STAT5B: variants seen among roughly 807,000 people sequenced by gnomAD.
STAT5B encodes the protein signal transducer and activator of transcription 5B.
Under a neutral mutation model 107.8 loss-of-function variants are expected in STAT5B, and 21 were observed. The ratio of observed to expected loss-of-function variants is 0.19; its 90% CI spans 0.14 to 0.28. The LOEUF is 0.28. Among genes scored for constraint, STAT5B ranks in the 10% least tolerant of loss-of-function variants. The pLI, the probability that STAT5B is intolerant of heterozygous loss-of-function variation, is 1.00. For synonymous variants in STAT5B, 325 were observed against 401.7 expected (o/e 0.81, Z 2.28); for missense variants, 565 against 1,008.2 (o/e 0.56, Z 5.95).
chr17:42,231,246 T>A (rs1000400701), intron 2 of STAT5B, among the ~76,000 whole-genome samples: 2 of 152,186 alleles, frequency 1.3e-5, no homozygotes, highest in Non-Finnish European at 2.9e-5. Flanking sequence ...GGTCAAGCAA[T>A]CCTCCCACCT....
intron 1 of STAT5B, among the ~76,000 whole-genome samples, chr17:42,246,377 AAAGT>A (rs1464155107): frequency 1.3e-5 from 2 of 152,184 alleles, no homozygotes; most frequent in African/African-American, 4.8e-5. Flanking sequence ...TCAGAATTAT[AAAGT>A]AAAAATTCAG....
chr17:42,234,946 G>A (rs2080345650), intron 1 of STAT5B: 1 of 152,170 alleles, frequency 6.6e-6, no homozygotes, highest in South Asian at 2.1e-4. Flanking sequence ...ATGAAGAGAA[G>A]AATCTAGGTG....
chr17:42,201,513 C>A lies in STAT5B; in HGVS notation c.*225G>T. The A allele has an allele frequency of 1.6e-6, 1 of 631,828 alleles. No individual in the cohort carries two copies. The highest frequency in any genetic ancestry group is 2.9e-6 in the Non-Finnish European group (1 of 347,448). The allele number at this position is 631,828 out of a possible 1,614,324, so 39.1% of individuals were successfully genotyped here. ...ACAGTGAGAGGGAGAAACACCATAACGTGCAAACACGCACACACACACACA... is the reference window on the plus strand; with the variant it reads ...ACAGTGAGAGGGAGAAACACCATAAAGTGCAAACACGCACACACACACACA... On this transcript the variant is annotated 3_prime_UTR_variant, in exon 19 of 19. Transcript: ENST00000293328.
chr17:42,263,077 G>A (rs770498095), intron 1 of STAT5B, among the ~76,000 whole-genome samples: 2 of 136,816 alleles, frequency 1.5e-5, no homozygotes, highest in Non-Finnish European at 3.1e-5. Flanking sequence ...TCCATTGCCC[G>A]GGCTTGGGAG....
At chr17:42,251,305 GACC>G (rs1316052566) in intron 1 of STAT5B, among the ~76,000 whole-genome samples, 1 of 152,190 alleles carries the variant, frequency 6.6e-6, no homozygotes, top group East Asian at 1.9e-4. Context: ...CCTAGATCCT[GACC>G]ACTTGTGGTC....
chr17:42,238,475 G>C (rs1315553271), intron 1 of STAT5B, among the ~76,000 whole-genome samples: 12 of 131,238 alleles, frequency 9.1e-5, no homozygotes, highest in Non-Finnish European at 1.4e-4. Flanking sequence ...TTTTTTTTAA[G>C]GCAGAGTCTC....
chr17:42,239,823 T>C (rs2080387704), intron 1 of STAT5B, among the ~76,000 whole-genome samples: 2 of 152,164 alleles, frequency 1.3e-5, no homozygotes, highest in South Asian at 2.1e-4. Flanking sequence ...AAAACATGTG[T>C]CCCCAGAAAG....
chr17:42,280,770 C>A (rs932028784), upstream of STAT5B, among the ~76,000 whole-genome samples: 3 of 152,110 alleles, frequency 2.0e-5, no homozygotes, highest in Non-Finnish European at 4.4e-5. Flanking sequence ...TCTGTCAGTG[C>A]CCCTGCTTAC....
intron 2 of STAT5B, 116 bp from the exon 3 acceptor site, chr17:42,227,801 C>CA: frequency 9.0e-7 from 1 of 1,105,830 alleles, no homozygotes; most frequent in Non-Finnish European, 1.3e-6. Flanking sequence ...ATCCTCACTG[C>CA]AAATTTTAAG....
At chr17:42,225,217 G>A (rs2080263449) in intron 3 of STAT5B, among the ~76,000 whole-genome samples, 9 of 151,908 alleles carry the variant, frequency 5.9e-5, no homozygotes, top group Admixed American at 4.6e-4. Context: ...ACCACGCCTG[G>A]CTAATTTTTG....
intron 1 of STAT5B, among the ~76,000 whole-genome samples, chr17:42,253,379 G>A (rs1384905152): frequency 6.6e-6 from 1 of 152,144 alleles, no homozygotes; most frequent in African/African-American, 2.4e-5. Context: ...CTGCTGTAAA[G>A]AAAACCAAAG....
chr17:42,222,272 G>A lies in STAT5B; in HGVS notation c.550+1110C>T, dbSNP rs144461563. ...CTCTGAGACTGAGCTGGGCATGGAA[G>A]CAGAGAGGAAACTATTAAAGCTCAA... On this transcript the variant is annotated intron_variant, in intron 5 of 18. Transcript: ENST00000293328. Among the ~76,000 whole-genome samples, 403 of 152,126 alleles carry A rather than the reference G, an allele frequency of 2.6e-3. 4 individuals are homozygous for A. Among genetic ancestry groups the A allele is most frequent in the African/African-American group, 9.5e-3 (394 of 41,480 alleles).
chr17:42,217,866 G>A (rs1175478160), intron 9 of STAT5B: 5 of 462,768 alleles, frequency 1.1e-5, no homozygotes, highest in South Asian at 4.3e-5. Context: ...CACCACGCCC[G>A]GCTAATTTTT....
the STAT5B span, among the ~76,000 whole-genome samples, chr17:42,286,266 G>A: frequency 4.0e-5 from 6 of 151,390 alleles, no homozygotes; most frequent in Non-Finnish European, 8.8e-5. Flanking sequence ...CCCAGAAGGG[G>A]AAATGTGCAA....
At chr17:42,243,183 AT>A (rs1279124546) in intron 1 of STAT5B, among the ~76,000 whole-genome samples, 17 of 91,618 alleles carry the variant, frequency 1.9e-4, no homozygotes, top group African/African-American at 6.4e-4. Context: ...CTTAAAAAAA[AT>A]AAATAAAAAA....
At chr17:42,266,627 T>C (rs1209741007) in intron 1 of STAT5B, among the ~76,000 whole-genome samples, 2 of 151,128 alleles carry the variant, frequency 1.3e-5, no homozygotes, top group East Asian at 3.9e-4. Context: ...GTAATCCCAA[T>C]ACTGTGGAAG....
At chr17:42,264,573 T>G (rs1413420325) in intron 1 of STAT5B, among the ~76,000 whole-genome samples, 2 of 152,086 alleles carry the variant, frequency 1.3e-5, no homozygotes, top group East Asian at 3.9e-4. Context: ...TTCCATGGTG[T>G]GTATGTGCCA....
intron 1 of STAT5B, among the ~76,000 whole-genome samples, chr17:42,252,901 A>C (rs1368403108): frequency 6.6e-6 from 1 of 152,212 alleles, no homozygotes; most frequent in Non-Finnish European, 1.5e-5. Context: ...CTTTCTTTTA[A>C]TTATATCTCA....
chr17:42,209,209 A>G (rs1018340064), intron 15 of STAT5B, among the ~76,000 whole-genome samples: 7 of 151,406 alleles, frequency 4.6e-5, no homozygotes, highest in African/African-American at 1.5e-4. Context: ...ATGCCCACCT[A>G]ATTAACTTAT....
Sources: allele counts gnomAD v4.1 joint callset (sites outside exome capture counted in the v4.1 genomes callset), GRCh38; gene constraint gnomAD v4.1.1; transcripts MANE v1.5; gene names NCBI Gene and HGNC (gene_info 2026-07-23, HGNC 2026-07-21).